Variants in WNK2 observed in about 807,000 individuals in gnomAD.
WNK2 encodes WNK lysine deficient protein kinase 2.
WNK2 carries 67 observed loss-of-function variants against 192.1 expected under a neutral mutation model. The observed-to-expected ratio is 0.35, with a 90% CI of 0.29 to 0.43. The LOEUF (loss-of-function observed/expected upper bound fraction) is 0.43. Ranked by LOEUF, WNK2 falls within the 20% of genes least tolerant of loss-of-function variation. The pLI is 1.00. For synonymous variants in WNK2, 1,439 were observed against 1,393.9 expected (o/e 1.03, Z -0.72); for missense variants, 2,698 against 3,089.7 (o/e 0.87, Z 3.01).
At chr9:93,230,240 G>C (rs1265348334) in intron 3 of WNK2, among the ~76,000 whole-genome samples, 2 of 152,080 alleles carry the variant, frequency 1.3e-5, no homozygotes, top group African/African-American at 4.8e-5. Context: ...GCCTGTTGCT[G>C]CTCACTAAGG....
At chr9:93,282,504 A>T (rs755363299) in intron 19 of WNK2, among the ~76,000 whole-genome samples, 3 of 152,092 alleles carry the variant, frequency 2.0e-5, no homozygotes, top group Non-Finnish European at 4.4e-5. Flanking sequence ...TTATAAAAAG[A>T]TTAAGAGTAA....
At chr9:93,243,849 G>A (rs952226025) in intron 7 of WNK2, among the ~76,000 whole-genome samples, 19 of 152,234 alleles carry the variant, frequency 1.2e-4, no homozygotes, top group African/African-American at 4.1e-4. Context: ...GGGCTTCGCC[G>A]TGATGCAATG....
Position 93,263,483 on chromosome 9 carries a change from G to A in WNK2, c.3411-83G>A. On this transcript the variant is annotated intron_variant, in intron 14 of 29. Coordinates refer to ENST00000427277, the MANE Select transcript of WNK2 (RefSeq NM_006648.4). Reference sequence around the variant, plus strand: ...ATTTGGGCCCTGGAGACTCCAGACTGTTCCAGATAAGCTGACTTTCCCCGC... The same window carrying A: ...ATTTGGGCCCTGGAGACTCCAGACTATTCCAGATAAGCTGACTTTCCCCGC... 4.6e-6 allele frequency: 7 copies of A among 1,535,464 alleles called. No individual in the cohort carries two copies. In the South Asian group the frequency reaches 8.3e-5, roughly 18 times the overall value.
chr9:93,277,068 G>C (rs1847035517), intron 19 of WNK2, among the ~76,000 whole-genome samples: 1 of 151,986 alleles, frequency 6.6e-6, no homozygotes, highest in African/African-American at 2.4e-5. Flanking sequence ...CACTTGAGCA[G>C]ATGAGCAGAT....
chr9:93,273,200 C>G (rs1277412578), intron 19 of WNK2, among the ~76,000 whole-genome samples: 1 of 152,240 alleles, frequency 6.6e-6, no homozygotes, highest in Non-Finnish European at 1.5e-5. Context: ...GCTCTGTTGA[C>G]AGGCTGGAGT....
intron 9 of WNK2, among the ~76,000 whole-genome samples, chr9:93,253,625 G>T (rs577438628): frequency 2.4e-4 from 37 of 152,194 alleles, no homozygotes; most frequent in African/African-American, 8.9e-4. Flanking sequence ...ATATTGTGTA[G>T]CGGTTAAAGT....
Position 93,247,411 on chromosome 9 carries a change from A to T in WNK2, c.1543-132A>T. On this transcript the variant is annotated intron_variant, in intron 7 of 29. Transcript: ENST00000427277. This position sits in a 1 kb window ranked among gnomAD's most constrained non-coding sequence, Gnocchi z 5.2. ...TCTCTGAGCTGTCCCCGCGGATTTTACATTCAGTGGCAGTGGGATGGCGAG... is the reference window on the plus strand; with the variant it reads ...TCTCTGAGCTGTCCCCGCGGATTTTTCATTCAGTGGCAGTGGGATGGCGAG... The T allele has an allele frequency of 9.0e-7, 1 of 1,108,680 alleles. No individual in the cohort carries two copies. The highest frequency in any genetic ancestry group is 1.3e-6 in the Non-Finnish European group (1 of 766,772). 68.7% of individuals were successfully genotyped at this position (1,108,680 alleles called of 1,614,324 possible). A position where few individuals can be genotyped will look rare whatever the true frequency, so the allele number is the denominator to read the frequency against.
At chr9:93,298,333 T>C (rs1450390772) in intron 24 of WNK2, among the ~76,000 whole-genome samples, 5 of 152,234 alleles carry the variant, frequency 3.3e-5, no homozygotes, top group Admixed American at 2.0e-4. Flanking sequence ...CTGTGGGCTG[T>C]GCCAGGGAAG....
intron 23 of WNK2, among the ~76,000 whole-genome samples, chr9:93,296,715 C>T (rs1466225245): frequency 2.9e-5 from 3 of 102,738 alleles, no homozygotes; most frequent in African/African-American, 1.2e-4. Context: ...ACCTTCCTCC[C>T]TCTCTATCCT....
intron 19 of WNK2, among the ~76,000 whole-genome samples, chr9:93,277,862 G>A (rs1287103808): frequency 6.6e-6 from 1 of 152,102 alleles, no homozygotes; most frequent in African/African-American, 2.4e-5. Flanking sequence ...AAGTTTACCT[G>A]TGTTGAAAAA....
chr9:93,196,800 G>A (rs1436012842), intron 2 of WNK2, among the ~76,000 whole-genome samples: 5 of 152,080 alleles, frequency 3.3e-5, no homozygotes, highest in Admixed American at 6.5e-5. Flanking sequence ...GAGGGGTGGC[G>A]GGCTGTGGGT....
In WNK2 at chr9:93,259,553, C is replaced by G; in HGVS notation, c.3005C>G (p.Pro1002Arg). The G allele has an allele frequency of 6.3e-7, 1 of 1,594,782 alleles. No homozygotes were observed. Reference sequence around the variant, plus strand: ...CCGCAGCCGGCACTGCCTGTGCGCCCTGAGCCCCTCCAGCCCCACCTTCCT... The same window carrying G: ...CCGCAGCCGGCACTGCCTGTGCGCCGTGAGCCCCTCCAGCCCCACCTTCCT... ...LPPQPALPVR[P>R]EPLQPHLPEQ... is the part of the protein sequence containing the mutation. Residue 1002 changes from proline to arginine, a missense_variant, in exon 12 of 30, where the codon CCT (proline) becomes CGT (arginine). Physicochemically the swap from Pro to Arg is moderately radical, Grantham distance 103. Coordinates refer to ENST00000427277, the MANE Select transcript of WNK2 (RefSeq NM_006648.4). The surrounding 1 kb of genome is among the most constrained non-coding windows in gnomAD (Gnocchi z 4.8).
rs1035038147 is a variant in WNK2 at position 93,246,219 on chromosome 9, C to T, written c.1543-1324C>T. Reference sequence around the variant, plus strand: ...GCGGGAGGCCCTCAGCACTGGCTCCCGTGCCGTTTTGCACGTCCCTGTCAC... The same window carrying T: ...GCGGGAGGCCCTCAGCACTGGCTCCTGTGCCGTTTTGCACGTCCCTGTCAC... On this transcript the variant is annotated intron_variant, in intron 7 of 29. Coordinates refer to ENST00000427277, the MANE Select transcript of WNK2 (RefSeq NM_006648.4). 1.3e-4 allele frequency among the ~76,000 whole-genome samples: 20 copies of T among 152,190 alleles called. 1 individual carries two copies. Among genetic ancestry groups the T allele is most frequent in the African/African-American group, 4.8e-4 (20 of 41,438 alleles).
At chr9:93,230,807 T>C in intron 3 of WNK2, 81 bp from the exon 4 acceptor site, 1 of 1,276,334 alleles carries the variant, frequency 7.8e-7, no homozygotes, top group Non-Finnish European at 1.1e-6. Flanking sequence ...GTACCAGGCC[T>C]AAGCAGTGTT....
At chr9:93,197,817 G>A (rs1458041782) in intron 2 of WNK2, among the ~76,000 whole-genome samples, 2 of 152,142 alleles carry the variant, frequency 1.3e-5, no homozygotes, top group Admixed American at 6.5e-5. Context: ...GCCACTGCCC[G>A]GCCCTGTGTG....
Position 93,289,105 on chromosome 9 carries a change from G to A in WNK2, c.4351G>A (p.Val1451Met). 5.6e-6 allele frequency: 9 copies of A among 1,608,640 alleles called. No homozygotes were observed. The highest frequency in any genetic ancestry group is 7.6e-6 in the Non-Finnish European group (9 of 1,178,004). The part of the protein sequence containing the change: ...EAPLAVQPLV[V>M]GLAPCTPAPE... Reference sequence around the variant, plus strand: ...CCCGCTTGCTGTGCAGCCCCTCGTGGTGGGCCTAGCACCTTGCACTCCAGC... The same window carrying A: ...CCCGCTTGCTGTGCAGCCCCTCGTGATGGGCCTAGCACCTTGCACTCCAGC... The change falls in exon 20 of 30, where the codon GTG (valine) becomes ATG (methionine). Residue 1451 changes from valine (V) to methionine (M), a missense_variant. Physicochemically the swap from Val to Met is conservative, Grantham distance 21. Transcript: ENST00000427277.
chr9:93,247,593 C>T lies in WNK2; in HGVS notation c.1593C>T (p.Ser531=). ...GTGACGTCAAGATCGTGGCCAAGTCCATCCGTGACCGCGTGGCCTTGATCC... is the reference window on the plus strand; with the variant it reads ...GTGACGTCAAGATCGTGGCCAAGTCTATCCGTGACCGCGTGGCCTTGATCC... ...HESDVKIVAK[S]IRDRVALIQW... The change falls in exon 8 of 30, where the codon TCC becomes TCT. Residue 531 remains serine, a synonymous_variant. Coordinates refer to ENST00000427277, the MANE Select transcript of WNK2 (RefSeq NM_006648.4). The surrounding 1 kb of genome is among the most constrained non-coding windows in gnomAD (Gnocchi z 5.2). 6.2e-7 allele frequency: 1 copy of T among 1,607,850 alleles called. No homozygotes were observed. Among genetic ancestry groups the T allele is most frequent in the Non-Finnish European group, 8.5e-7 (1 of 1,177,576 alleles).
chr9:93,260,154 C>T (rs975935335), intron 12 of WNK2, among the ~76,000 whole-genome samples: 5 of 152,160 alleles, frequency 3.3e-5, no homozygotes, highest in South Asian at 2.1e-4. Context: ...GCGGATACCT[C>T]GTGGCAGCAT....
intron 28 of WNK2, among the ~76,000 whole-genome samples, chr9:93,313,036 T>C (rs915841072): frequency 1.3e-5 from 2 of 152,218 alleles, no homozygotes; most frequent in Non-Finnish European, 2.9e-5. Flanking sequence ...GCTCTTCTAG[T>C]TCCATTTGAT....
Sources: gnomAD v4.1 joint callset for allele counts (sites outside exome capture counted in the v4.1 genomes callset) on GRCh38, gnomAD v4.1.1 for gene constraint, Gnocchi (gnomAD v3.1) non-coding constraint, MANE v1.5 for transcripts, NCBI Gene and HGNC (gene_info 2026-07-23, HGNC 2026-07-21) for gene names.